Variants in GPSM2 observed in about 807,000 individuals in gnomAD.
GPSM2 encodes the protein G protein signaling modulator 2.
In GPSM2, 58 loss-of-function variants were observed where a neutral mutation model predicts 78.4. That is an observed-to-expected ratio of 0.74 (90% CI 0.60 to 0.92). The LOEUF (loss-of-function observed/expected upper bound fraction) is 0.92, where lower values mean the gene tolerates loss of function less well. Among genes scored for constraint, GPSM2 ranks in the 40% least tolerant of loss-of-function variants. GPSM2 has a pLI of 0.00. For synonymous variants in GPSM2, 224 were observed against 280.2 expected (o/e 0.80, Z 2.00); for missense variants, 700 against 815.5 (o/e 0.86, Z 1.73).
intron 10 of GPSM2, among the ~76,000 whole-genome samples, chr1:108,911,935 A>AGC (rs1327769858): frequency 6.6e-6 from 1 of 150,958 alleles, no homozygotes; most frequent in Non-Finnish European, 1.5e-5. Context: ...CCTCCTGAGT[A>AGC]GCTGGGACTA....
chr1:108,918,764 A>G lies in GPSM2; in HGVS notation c.1415A>G (p.Asp472Gly). The change falls in exon 12 of 15, where the codon GAC becomes GGC. Residue 472 changes from aspartate (D) to glycine (G), a missense_variant. By Grantham distance (94) the Asp-to-Gly change is moderately conservative (BLOSUM62 -1). Coordinates refer to ENST00000264126, the MANE Select transcript of GPSM2 (RefSeq NM_013296.5). ...CTCCAAGATGCCAGTAATTCTATTG[A>G]CCACCGAATTCCAAATTCTCAGAGG... The part of the protein sequence containing the change: ...KVLQDASNSI[D>G]HRIPNSQRKI... 1 of 1,613,544 alleles carries G rather than the reference A, an allele frequency of 6.2e-7. No homozygotes were observed. Among genetic ancestry groups the G allele is most frequent in the Non-Finnish European group, 8.5e-7 (1 of 1,179,502 alleles).
intron 8 of GPSM2, 96 bp downstream of exon 8, chr1:108,902,041 T>C (rs1648867581): frequency 2.3e-6 from 2 of 854,864 alleles, no homozygotes; most frequent in Non-Finnish European, 3.9e-6. Flanking sequence ...TTTGTTTTCC[T>C]TAAAATCCCT....
chr1:108,886,172 G>A (rs1171200216), intron 2 of GPSM2, among the ~76,000 whole-genome samples: 3 of 152,172 alleles, frequency 2.0e-5, no homozygotes, highest in Non-Finnish European at 4.4e-5. Flanking sequence ...AGGAACTACA[G>A]GTGTGTGCCA....
chr1:108,908,672 AAC>A (rs199785582), intron 10 of GPSM2, among the ~76,000 whole-genome samples: 1 of 146,188 alleles, frequency 6.8e-6, no homozygotes, highest in Non-Finnish European at 1.5e-5. Flanking sequence ...TCCGTCTCAA[AAC>A]ACACGTGCGC....
At chr1:108,884,781 T>TA (rs903676096) in intron 1 of GPSM2, among the ~76,000 whole-genome samples, 1 of 152,196 alleles carries the variant, frequency 6.6e-6, no homozygotes, top group African/African-American at 2.4e-5. Flanking sequence ...CCAATATTAA[T>TA]AAAAAACATT....
Position 108,922,458 on chromosome 1 carries a change from CTTA to C in GPSM2, c.1486_1488del (p.Leu496del). ...CTATTGGAGATGAAGGGTTCTTTGA[CTTA>C]TTAAGCCGATTTCAAAGCAATAGGA... On this transcript the variant is annotated inframe_deletion, in exon 13 of 15. Coordinates refer to ENST00000264126, the MANE Select transcript of GPSM2 (RefSeq NM_013296.5). 1.2e-6 allele frequency: 2 copies of C among 1,612,364 alleles called. No homozygotes were observed. Among genetic ancestry groups the C allele is most frequent in the Non-Finnish European group, 1.7e-6 (2 of 1,178,506 alleles).
In GPSM2 at chr1:108,903,439, AAAGT is replaced by A. The variant is rs1325549906; in HGVS notation, c.1062+209_1062+212del. The stretch of plus-strand genomic sequence containing the variant: ...ATTGGCTTTCATGTAGGAAGACAGG[AAAGT>A]AAGGCCGGGCATGGGGAAGTGGAAG... On this transcript the variant is annotated intron_variant, in intron 9 of 14. Coordinates refer to ENST00000264126, the MANE Select transcript of GPSM2 (RefSeq NM_013296.5). Among the ~76,000 whole-genome samples the A allele has an allele frequency of 2.0e-5, 3 of 152,286 alleles. No individual in the cohort carries two copies. The East Asian group carries it at 5.8e-4, about 29-fold the overall frequency.
At chr1:108,914,228 G>T in intron 10 of GPSM2, 110 bp from the exon 11 acceptor site, 1 of 723,052 alleles carries the variant, frequency 1.4e-6, no homozygotes, top group South Asian at 1.6e-5. Flanking sequence ...AGGTTTTCTC[G>T]TTTCATATGG....
chr1:108,928,858 C>T (rs750412670), intron 14 of GPSM2, among the ~76,000 whole-genome samples: 6 of 151,846 alleles, frequency 4.0e-5, no homozygotes, highest in Non-Finnish European at 7.4e-5. Flanking sequence ...GGTGTGGTGA[C>T]GCATGCCTAT....
At chr1:108,929,631 G>A (rs1014388324) in intron 14 of GPSM2, 70 bp from the exon 15 acceptor site, 59 of 1,438,474 alleles carry the variant, frequency 4.1e-5, no homozygotes, top group Non-Finnish European at 5.7e-5. Flanking sequence ...TGTTGTGACT[G>A]AGAGATTTAA....
chr1:108,883,450 C>T (rs545541075), intron 1 of GPSM2, among the ~76,000 whole-genome samples: 29 of 152,270 alleles, frequency 1.9e-4, no homozygotes, highest in South Asian at 6.2e-4. Flanking sequence ...AAGTATGGAA[C>T]GATTTTCTTA....
Position 108,932,685 on chromosome 1 carries a change from T to C in GPSM2, c.*2745T>C, listed in dbSNP as rs1290662319. On this transcript the variant is annotated 3_prime_UTR_variant, in exon 15 of 15. Transcript: ENST00000264126. ...AGACAGCTCTCACCTTGGGGGCATATTCCCCAAGTCAGTGTGAACATGTCT... is the reference window on the plus strand; with the variant it reads ...AGACAGCTCTCACCTTGGGGGCATACTCCCCAAGTCAGTGTGAACATGTCT... 1 of 152,230 alleles carries C rather than the reference T, an allele frequency of 6.6e-6. No homozygotes were observed. The highest frequency in any genetic ancestry group is 1.9e-4 in the East Asian group (1 of 5,200). The allele number at this position is 152,230 out of a possible 1,614,324, so 9.4% of individuals were successfully genotyped here.
intron 14 of GPSM2, 118 bp downstream of exon 14, chr1:108,924,332 AT>A: frequency 1.3e-6 from 1 of 744,696 alleles, no homozygotes. Flanking sequence ...ATTATTGTCC[AT>A]CATTCAGTAA....
chr1:108,898,549 A>T, intron 5 of GPSM2, 93 bp from the exon 6 acceptor site: 3 of 1,216,346 alleles, frequency 2.5e-6, no homozygotes, highest in Non-Finnish European at 3.6e-6. Context: ...GCTTCCCTAC[A>T]TTTTTTTCTG....
At chr1:108,903,293 G>C (rs1648950518) in intron 9 of GPSM2, 59 bp downstream of exon 9, 1 of 901,828 alleles carries the variant, frequency 1.1e-6, no homozygotes, top group Non-Finnish European at 1.8e-6. Context: ...AGAGGTTGGG[G>C]GAGGGAACCC....
intron 14 of GPSM2, among the ~76,000 whole-genome samples, chr1:108,928,388 T>G (rs947231723): frequency 6.6e-6 from 1 of 152,028 alleles, no homozygotes; most frequent in Non-Finnish European, 1.5e-5. Flanking sequence ...TGCCCAAGTG[T>G]TGGGTTAATT....
In GPSM2 at chr1:108,897,635, C is replaced by T. The variant is rs760732993; in HGVS notation, c.414+8C>T. The T allele has an allele frequency of 6.8e-6, 11 of 1,610,758 alleles. No individual in the cohort carries two copies. Among genetic ancestry groups the T allele is most frequent in the East Asian group, 6.7e-5 (3 of 44,846 alleles). On this transcript the variant is annotated splice_region_variant and intron_variant, in intron 4 of 14. Coordinates refer to ENST00000264126, the MANE Select transcript of GPSM2 (RefSeq NM_013296.5). ...AGAGAGCTTAATGACAAGGTAATAC[C>T]GCAGCATTAGATGGTAGGCCTAATA...
chr1:108,878,031 T>C (rs1380545226), intron 1 of GPSM2, among the ~76,000 whole-genome samples: 1 of 152,078 alleles, frequency 6.6e-6, no homozygotes, highest in Non-Finnish European at 1.5e-5. Context: ...GGAGCGTTCG[T>C]GGGGTGTGTT....
chr1:108,902,714 G>A (rs758606378), intron 8 of GPSM2, among the ~76,000 whole-genome samples: 24 of 152,076 alleles, frequency 1.6e-4, no homozygotes, highest in Non-Finnish European at 3.2e-4. Flanking sequence ...AGAACTTTTC[G>A]ATGCAGATGT....
Sources: allele counts gnomAD v4.1 joint callset (sites outside exome capture counted in the v4.1 genomes callset), GRCh38; gene constraint gnomAD v4.1.1; transcripts MANE v1.5; gene names NCBI Gene and HGNC (gene_info 2026-07-23, HGNC 2026-07-21).